UNC80: variants seen among roughly 807,000 people sequenced by gnomAD.
The protein encoded by UNC80 is protein unc-80 homolog.
UNC80 carries 164 observed loss-of-function variants against 384.6 expected under a neutral mutation model. That is an observed-to-expected ratio of 0.43 (90% confidence interval 0.38 to 0.49). The LOEUF (loss-of-function observed/expected upper bound fraction) is 0.49. UNC80 is among the 20% of genes least tolerant of loss of function. The probability of loss-of-function intolerance (pLI) is 0.00; values close to 1 mark genes in which losing one functional copy is unlikely to be tolerated. For synonymous variants in UNC80, 1,486 were observed against 1,527.8 expected (o/e 0.97, Z 0.64); for missense variants, 3,330 against 4,143.0 (o/e 0.80, Z 5.39).
chr2:209,817,975 G>A lies in UNC80; in HGVS notation c.1693+23G>A, dbSNP rs747714508. The A allele has an allele frequency of 2.2e-5, 34 of 1,550,864 alleles. No individual in the cohort carries two copies. The South Asian group carries it at 2.5e-4, about 11-fold the overall frequency. On this transcript the variant is annotated intron_variant, in intron 11 of 64. Coordinates refer to ENST00000673920, the MANE Select transcript of UNC80 (RefSeq NM_001371986.1). ...AAGGTGGGTAGGAGGTGGGGCCTAC[G>A]GGCAGGAGTTCAGAGTTCTTTTTTT...
chr2:209,973,408 A>G (rs1472872177), intron 56 of UNC80, 138 bp downstream of exon 56: 1 of 843,372 alleles, frequency 1.2e-6, no homozygotes. Flanking sequence ...AAGAATTTAG[A>G]GAGACCTCAA....
chr2:209,817,189 G>C, intron 10 of UNC80, 64 bp downstream of exon 10: 1 of 1,445,474 alleles, frequency 6.9e-7, no homozygotes, highest in East Asian at 2.5e-5. Flanking sequence ...TGGATCTAGG[G>C]CTTCTGGGCA....
chr2:209,992,265 G>A lies in UNC80; in HGVS notation c.9396+18G>A. On this transcript the variant is annotated intron_variant, in intron 62 of 64. Coordinates refer to ENST00000673920, the MANE Select transcript of UNC80 (RefSeq NM_001371986.1). ...TGAGGCAGGTAAGTAGACCCTTAAA[G>A]CGCAAGAGAACCATCCTACGAATTG... 1 of 1,549,114 alleles carries A rather than the reference G, an allele frequency of 6.5e-7. No individual in the cohort carries two copies. Among genetic ancestry groups the A allele is most frequent in the Non-Finnish European group, 8.7e-7 (1 of 1,145,178 alleles).
intron 7 of UNC80, among the ~76,000 whole-genome samples, chr2:209,801,998 G>T (rs543236622): frequency 6.6e-6 from 1 of 152,238 alleles, no homozygotes; most frequent in South Asian, 2.1e-4. Flanking sequence ...AGCAATTTTG[G>T]TTGTGTAAAC....
At chr2:209,857,070 G>A (rs2082989896) in intron 22 of UNC80, among the ~76,000 whole-genome samples, 1 of 152,054 alleles carries the variant, frequency 6.6e-6, no homozygotes, top group African/African-American at 2.4e-5. Flanking sequence ...GATTACAGGT[G>A]TAAGCCACCA....
intron 61 of UNC80, among the ~76,000 whole-genome samples, chr2:209,987,137 C>G (rs949072927): frequency 8.5e-5 from 13 of 152,192 alleles, no homozygotes; most frequent in African/African-American, 2.9e-4. Flanking sequence ...CATGCTCTTA[C>G]AACATTTTAC....
intron 22 of UNC80, among the ~76,000 whole-genome samples, chr2:209,861,475 A>T (rs2083337679): frequency 6.6e-6 from 1 of 151,892 alleles, no homozygotes; most frequent in African/African-American, 2.4e-5. Context: ...ATTTTCACAC[A>T]GATGTTCATC....
rs770636669 is a variant in UNC80 at position 209,926,976 on chromosome 2, T to A, written c.5796T>A (p.Asp1932Glu). The A allele has an allele frequency of 1.3e-6, 2 of 1,551,864 alleles. No individual in the cohort carries two copies. Among genetic ancestry groups the A allele is most frequent in the South Asian group, 2.4e-5 (2 of 84,062 alleles). Reference protein sequence around the residue: ...HLMEDGEVREDGVAVSAVAQQ... With the variant: ...HLMEDGEVREEGVAVSAVAQQ... ...TGGAGGATGGTGAGGTGCGGGAAGA[T>A]GGAGTAGCAGGTACAGTTTTGAACA... is the stretch of plus-strand genomic sequence containing the variant. Residue 1932 changes from aspartate to glutamate, a missense_variant, in exon 36 of 65, where the codon GAT (aspartate) becomes GAA (glutamate). Coordinates refer to ENST00000673920, the MANE Select transcript of UNC80 (RefSeq NM_001371986.1).
chr2:209,810,593 C>T (rs2079270189), intron 7 of UNC80, among the ~76,000 whole-genome samples: 1 of 152,088 alleles, frequency 6.6e-6, no homozygotes, highest in South Asian at 2.1e-4. Context: ...TTCTCATGAA[C>T]GTGGTTCATG....
In UNC80 at chr2:209,959,443, A is replaced by T. The variant is rs765438404; in HGVS notation, c.7587-46A>T. On this transcript the variant is annotated intron_variant, in intron 50 of 64. Coordinates refer to ENST00000673920, the MANE Select transcript of UNC80 (RefSeq NM_001371986.1). ...GATACCCTCTTCTCACAGCTGCTACATGAATACATTTTCAGACCCCTAGTT... is the reference window on the plus strand; with the variant it reads ...GATACCCTCTTCTCACAGCTGCTACTTGAATACATTTTCAGACCCCTAGTT... 3.0e-5 allele frequency: 46 copies of T among 1,522,780 alleles called. No homozygotes were observed. The Admixed American group carries it at 4.1e-4, about 14-fold the overall frequency. The allele number at this position is 1,522,780 out of a possible 1,614,324, so 94.3% of individuals were successfully genotyped here. A position where few individuals can be genotyped will look rare whatever the true frequency, so the allele number is the denominator to read the frequency against.
chr2:209,913,632 T>G (rs77386729), intron 30 of UNC80, among the ~76,000 whole-genome samples, 170 bp from the exon 31 acceptor site: 2 of 152,294 alleles, frequency 1.3e-5, no homozygotes, highest in East Asian at 3.9e-4. Context: ...TTATAAGGTA[T>G]AAAGCTTATC....
At chr2:209,774,648 A>G (rs2076765434) in intron 2 of UNC80, among the ~76,000 whole-genome samples, 1 of 152,188 alleles carries the variant, frequency 6.6e-6, no homozygotes, top group Non-Finnish European at 1.5e-5. Flanking sequence ...TAAATTCTTT[A>G]TAATCTTTTA....
chr2:209,860,527 A>G (rs190542645), intron 22 of UNC80, among the ~76,000 whole-genome samples: 30 of 152,248 alleles, frequency 2.0e-4, no homozygotes, highest in Non-Finnish European at 3.4e-4. Context: ...TCTTGGCTAT[A>G]TGGGGTCTCC....
chr2:209,806,723 T>A (rs1189171770), intron 7 of UNC80, among the ~76,000 whole-genome samples: 2 of 152,250 alleles, frequency 1.3e-5, no homozygotes, highest in African/African-American at 2.4e-5. Flanking sequence ...ATTATCTCTT[T>A]TGCTCTGAAC....
intron 25 of UNC80, 150 bp from the exon 26 acceptor site, chr2:209,887,945 C>CA: frequency 1.6e-6 from 1 of 636,556 alleles, no homozygotes; most frequent in East Asian, 2.8e-5. Flanking sequence ...AATAGATTTG[C>CA]ATGGTCACAA....
At chr2:209,859,278 C>T (rs541354807) in intron 22 of UNC80, among the ~76,000 whole-genome samples, 2 of 152,296 alleles carry the variant, frequency 1.3e-5, no homozygotes, top group Admixed American at 1.3e-4. Flanking sequence ...TGAGTGAGAA[C>T]ATGCAGTGTT....
intron 18 of UNC80, among the ~76,000 whole-genome samples, chr2:209,837,773 CTTTT>C (rs747171151): frequency 7.1e-6 from 1 of 141,452 alleles, no homozygotes; most frequent in Non-Finnish European, 1.6e-5. Context: ...GTACCTACAT[CTTTT>C]TTTTTTTTTT....
chr2:209,906,658 A>G (rs943540942), intron 29 of UNC80, among the ~76,000 whole-genome samples: 1 of 152,126 alleles, frequency 6.6e-6, no homozygotes, highest in Non-Finnish European at 1.5e-5. Context: ...ACAAATTCTG[A>G]GGGGAATGAA....
chr2:209,887,011 C>A (rs891879368), intron 25 of UNC80, among the ~76,000 whole-genome samples: 3 of 151,936 alleles, frequency 2.0e-5, no homozygotes, highest in African/African-American at 7.3e-5. Flanking sequence ...GGCTTATAGC[C>A]CTTTCCTTCG....
Sources: gnomAD v4.1 joint callset for allele counts (sites outside exome capture counted in the v4.1 genomes callset) on GRCh38, gnomAD v4.1.1 for gene constraint, MANE v1.5 for transcripts, NCBI Gene and HGNC (gene_info 2026-07-23, HGNC 2026-07-21) for gene names.